The following PHF24 variants were observed in gnomAD, a reference collection of about 807,000 sequenced individuals.
PHF24 encodes the protein Galpha inhibitory interacting protein.
In PHF24, 25 loss-of-function variants were observed where a neutral mutation model predicts 42.6. The ratio of observed to expected loss-of-function variants is 0.59; its 90% CI spans 0.43 to 0.82. The LOEUF (loss-of-function observed/expected upper bound fraction) is 0.82. Among genes scored for constraint, PHF24 ranks in the 40% least tolerant of loss-of-function variants. PHF24 has a pLI of 0.00. For missense variants in PHF24, 470 were observed against 538.1 expected (o/e 0.87, Z 1.25); for synonymous variants, 185 against 204.8 (o/e 0.90, Z 0.83).
chr9:34,727,032 G>A, the PHF24 span: 1 of 1,523,154 alleles, frequency 6.6e-7, no homozygotes, highest in Non-Finnish European at 8.8e-7. Flanking sequence ...AGTGACATCT[G>A]CCTTCTTGGA....
At chr9:34,741,219 AAC>A in the PHF24 span, among the ~76,000 whole-genome samples, 34 of 149,784 alleles carry the variant, frequency 2.3e-4, no homozygotes, top group East Asian at 3.9e-4. Context: ...AAAGTTTAGA[AAC>A]ACACACACAC....
chr9:34,832,619 G>A, the PHF24 span: 2 of 1,542,308 alleles, frequency 1.3e-6, no homozygotes, highest in African/African-American at 1.4e-5. Context: ...TGTGCCCTTT[G>A]CCTTTTGTCT....
the PHF24 span, among the ~76,000 whole-genome samples, chr9:34,825,637 A>G: frequency 1.4e-5 from 2 of 138,604 alleles, no homozygotes; most frequent in Non-Finnish European, 2.9e-5. Flanking sequence ...CCAAGGACTC[A>G]TGAACACCCA....
At chr9:34,753,879 G>T in the PHF24 span, among the ~76,000 whole-genome samples, 623 of 152,114 alleles carry the variant, frequency 4.1e-3, 20 homozygotes, top group Admixed American at 0.036. Context: ...AAGAAAATAC[G>T]TTGGAGAAAA....
chr9:34,961,027 T>C (rs1230139784), intron 1 of PHF24, among the ~76,000 whole-genome samples: 1 of 152,208 alleles, frequency 6.6e-6, no homozygotes, highest in African/African-American at 2.4e-5. Flanking sequence ...CTTCTAACAT[T>C]GTCTTCTTCT....
At chr9:34,735,831 A>T in the PHF24 span, among the ~76,000 whole-genome samples, 1 of 152,112 alleles carries the variant, frequency 6.6e-6, no homozygotes, top group African/African-American at 2.4e-5. Flanking sequence ...AGCAATTAAC[A>T]TAACCAGACT....
the PHF24 span, among the ~76,000 whole-genome samples, chr9:34,832,090 A>G: frequency 6.6e-6 from 1 of 152,082 alleles, no homozygotes; most frequent in South Asian, 2.1e-4. Context: ...AATACAGTGG[A>G]GATAAGGAGC....
the PHF24 span, among the ~76,000 whole-genome samples, chr9:34,931,436 A>AG: frequency 4.7e-5 from 7 of 150,336 alleles, no homozygotes; most frequent in Non-Finnish European, 1.0e-4. Context: ...GAAGGGTGGA[A>AG]GGGGGTTGAG....
At chr9:34,730,204 G>GT in the PHF24 span, among the ~76,000 whole-genome samples, 305 of 152,046 alleles carry the variant, frequency 2.0e-3, no homozygotes, top group African/African-American at 6.3e-3. Context: ...GCCTGAGGAT[G>GT]TTTTTTTTGT....
the PHF24 span, among the ~76,000 whole-genome samples, chr9:34,880,864 A>G: frequency 6.6e-6 from 1 of 152,200 alleles, no homozygotes; most frequent in Admixed American, 6.5e-5. Context: ...GACCTAATAG[A>G]TATCTACAGA....
At chr9:34,752,719 C>T in the PHF24 span, among the ~76,000 whole-genome samples, 1 of 152,120 alleles carries the variant, frequency 6.6e-6, no homozygotes, top group African/African-American at 2.4e-5. Context: ...CAAAACCAGA[C>T]AAAGACACAT....
chr9:34,870,182 T>C, the PHF24 span, among the ~76,000 whole-genome samples: 2 of 152,066 alleles, frequency 1.3e-5, no homozygotes, highest in African/African-American at 4.8e-5. Flanking sequence ...AGTCCTAAAC[T>C]TGTTTCCACT....
At chr9:34,689,818 G>C in the PHF24 span, 1 of 1,614,186 alleles carries the variant, frequency 6.2e-7, no homozygotes, top group East Asian at 2.2e-5. This position sits in a 1 kb window ranked among gnomAD's most constrained non-coding sequence, Gnocchi z 4.1. Context: ...ACGGTCATAG[G>C]TTAACTGCTG....
chr9:34,920,006 A>G, the PHF24 span, among the ~76,000 whole-genome samples: 4 of 152,170 alleles, frequency 2.6e-5, no homozygotes, highest in Non-Finnish European at 4.4e-5. Context: ...TAGTGCTGCA[A>G]TAAACATGGG....
chr9:34,677,563 A>ATT, the PHF24 span, among the ~76,000 whole-genome samples: 1 of 151,608 alleles, frequency 6.6e-6, no homozygotes, highest in Non-Finnish European at 1.5e-5. Context: ...CGCCTGGCTA[A>ATT]TTTTTTGTAT....
At chr9:34,831,302 C>G in the PHF24 span, among the ~76,000 whole-genome samples, 1 of 152,144 alleles carries the variant, frequency 6.6e-6, no homozygotes, top group African/African-American at 2.4e-5. Flanking sequence ...ATTCAGCTGA[C>G]TGGGTGCCCA....
At chr9:34,809,841 C>G in the PHF24 span, among the ~76,000 whole-genome samples, 1 of 152,110 alleles carries the variant, frequency 6.6e-6, no homozygotes, top group Admixed American at 6.5e-5. This position sits in a 1 kb window ranked among gnomAD's most constrained non-coding sequence, Gnocchi z 4.1. Flanking sequence ...GCCCACTACT[C>G]ATCCGAGCCC....
At chr9:34,721,399 TTCTCTCTCTC>T in the PHF24 span, among the ~76,000 whole-genome samples, 73 of 139,334 alleles carry the variant, frequency 5.2e-4, 1 homozygote, top group Middle Eastern at 3.5e-3. Flanking sequence ...TGTCTTTCCA[TTCTCTCTCTC>T]TCTCTCTCTC....
At chr9:34,797,294 T>C in the PHF24 span, among the ~76,000 whole-genome samples, 12 of 152,298 alleles carry the variant, frequency 7.9e-5, no homozygotes, top group Admixed American at 3.9e-4. Flanking sequence ...TTGCCTTCTG[T>C]AGGTGGCTCG....
Sources: allele counts gnomAD v4.1 joint callset (sites outside exome capture counted in the v4.1 genomes callset), GRCh38; gene constraint gnomAD v4.1.1; non-coding constraint Gnocchi (gnomAD v3.1); transcripts MANE v1.5; gene names NCBI Gene and HGNC (gene_info 2026-07-23, HGNC 2026-07-21).